APOBEC3A: variants seen among roughly 807,000 people sequenced by gnomAD.
The protein encoded by APOBEC3A is apolipoprotein B mRNA editing enzyme catalytic subunit 3A.
A neutral mutation model predicts 23.0 loss-of-function variants in APOBEC3A; 13 were observed. The observed-to-expected ratio is 0.57, with a 90% CI of 0.37 to 0.90. APOBEC3A has a LOEUF of 0.90. Ranked by LOEUF, APOBEC3A falls within the 40% of genes least tolerant of loss-of-function variation. The pLI, the probability that APOBEC3A is intolerant of heterozygous loss-of-function variation, is 0.01. For synonymous variants in APOBEC3A, 74 were observed against 101.3 expected (o/e 0.73, Z 1.62); for missense variants, 179 against 264.9 (o/e 0.68, Z 2.25).
At position 38,962,194 on chromosome 22, in the gene APOBEC3A, G is replaced by A; in HGVS notation, c.566G>A (p.Arg189Lys). Residue 189 changes from arginine (R) to lysine (K), a missense_variant, in exon 4 of 5, where the codon AGG becomes AAG. Around this residue, in one of 5 missense-constraint regions of APOBEC3A, gnomAD observed 37 missense variants for 43.1 expected, o/e 0.86. Transcript: ENST00000249116. ...LDEHSQALSG[R>K]LRAILQNQGN The stretch of plus-strand genomic sequence containing the variant: ...GAGCACAGCCAAGCCCTGAGTGGGA[G>A]GCTGCGGGCCATTCTCCAGGTGAGG... The A allele has an allele frequency of 6.2e-7, 1 of 1,613,590 alleles. No individual in the cohort carries two copies. Among genetic ancestry groups the A allele is most frequent in the Non-Finnish European group, 8.5e-7 (1 of 1,179,988 alleles).
At position 38,961,579 on chromosome 22, in the gene APOBEC3A, C is replaced by T. The variant is rs762851600; in HGVS notation, c.367C>T (p.Arg123Cys). ...TCAGGAGAACACACACGTGAGACTG[C>T]GTATCTTCGCTGCCCGCATCTATGA... ...FLQENTHVRL[R>C]IFAARIYDYD... The change falls in exon 3 of 5, where the codon CGT becomes TGT. Residue 123 changes from arginine to cysteine, a missense_variant. Around this residue, in one of 5 missense-constraint regions of APOBEC3A, gnomAD observed 37 missense variants for 47.8 expected, o/e 0.77. Transcript: ENST00000249116. 4.6e-6 allele frequency: 7 copies of T among 1,533,024 alleles called. 1 individual carries two copies. Among genetic ancestry groups the T allele is most frequent in the South Asian group, 4.5e-5 (4 of 88,130 alleles). 95.0% of individuals were successfully genotyped at this position (1,533,024 alleles called of 1,614,324 possible). A position where few individuals can be genotyped will look rare whatever the true frequency, so the allele number is the denominator to read the frequency against.
rs193155851 is a variant in APOBEC3A, at chr22:38,959,647, G to C, written c.135G>C (p.Ser45=). The C allele has an allele frequency of 7.4e-6, 12 of 1,613,936 alleles. No individual in the cohort carries two copies. The highest frequency in any genetic ancestry group is 5.0e-5 in the Admixed American group (3 of 60,004). Residue 45 remains serine (S), a synonymous_variant, in exon 2 of 5, where the codon TCG becomes TCC. Coordinates refer to ENST00000249116, the MANE Select transcript of APOBEC3A (RefSeq NM_145699.4). ...TGGAGCGCCTGGACAATGGCACCTCGGTCAAGATGGACCAGCACAGGGGCT... is the reference window on the plus strand; with the variant it reads ...TGGAGCGCCTGGACAATGGCACCTCCGTCAAGATGGACCAGCACAGGGGCT... ...YEVERLDNGT[S]VKMDQHRGFL...
Position 38,962,225 on chromosome 22 carries a change from C to T in APOBEC3A, c.585+12C>T, listed in dbSNP as rs532168927. The T allele has an allele frequency of 6.1e-5, 98 of 1,613,634 alleles. No homozygotes were observed. The East Asian group carries it at 1.9e-3, about 32-fold the overall frequency. ...GGGCCATTCTCCAGGTGAGGGCTTC[C>T]TCCCTCTGCCCGGTGCCCCATCGGC... On this transcript the variant is annotated intron_variant, in intron 4 of 4. Transcript: ENST00000249116.
intron 2 of APOBEC3A, among the ~76,000 whole-genome samples, chr22:38,961,177 T>C (rs1343158805): frequency 3.4e-5 from 5 of 147,562 alleles, no homozygotes; most frequent in African/African-American, 1.3e-4. Context: ...TCTGTTTGTA[T>C]TTAAATGGGC....
At position 38,962,675 on chromosome 22, in the gene APOBEC3A, G is replaced by GTCAAT; in HGVS notation, c.*167_*168insCAATT. On this transcript the variant is annotated 3_prime_UTR_variant, in exon 5 of 5. Transcript: ENST00000249116. ...TCAAGTAGATTTTTAAAAAATCAGA[G>GTCAAT]TGGGCCGGGCGCGGTGGCTCACGCC... The GTCAAT allele has an allele frequency of 6.6e-7, 1 of 1,505,082 alleles. No homozygotes were observed. 93.2% of individuals were successfully genotyped at this position (1,505,082 alleles called of 1,614,324 possible).
intron 2 of APOBEC3A, among the ~76,000 whole-genome samples, chr22:38,960,437 T>C (rs1351650474): frequency 6.6e-6 from 1 of 152,180 alleles, no homozygotes; most frequent in Non-Finnish European, 1.5e-5. Context: ...ACAAACCATG[T>C]CATCCACTCC....
At chr22:38,962,361 A>G in intron 4 of APOBEC3A, 134 bp from the exon 5 acceptor site, 1 of 1,548,826 alleles carries the variant, frequency 6.5e-7, no homozygotes, top group Non-Finnish European at 8.7e-7. Context: ...TTTCCTTCTC[A>G]CAGCCTCCTT....
intron 1 of APOBEC3A, among the ~76,000 whole-genome samples, chr22:38,958,566 C>CTTTCTTCT (rs1555891129): frequency 0.02 from 2,818 of 141,320 alleles, 108 homozygotes; most frequent in African/African-American, 0.068. Flanking sequence ...TCCTCTCTTT[C>CTTTCTTCT]TTCTTTCCTT....
At position 38,962,727 on chromosome 22, in the gene APOBEC3A, G is replaced by T; in HGVS notation, c.*218G>T. ...GTAATCCCAGCACTTTGGAGGCCAA[G>T]GCGGGTGGATCACGAGGTCAGGAGA... On this transcript the variant is annotated 3_prime_UTR_variant, in exon 5 of 5. Transcript: ENST00000249116. 1.6e-6 allele frequency: 2 copies of T among 1,213,866 alleles called. No individual in the cohort carries two copies. Among genetic ancestry groups the T allele is most frequent in the Non-Finnish European group, 2.2e-6 (2 of 893,804 alleles). The allele number at this position is 1,213,866 out of a possible 1,614,324, so 75.2% of individuals were successfully genotyped here.
rs1255041974 is a variant in APOBEC3A, at chr22:38,962,698, G to A, written c.*189G>A. The A allele has an allele frequency of 2.0e-5, 28 of 1,411,442 alleles. 2 individuals carry two copies. Among genetic ancestry groups the A allele is most frequent in the South Asian group, 1.7e-4 (12 of 70,310 alleles). The allele number at this position is 1,411,442 out of a possible 1,614,324, so 87.4% of individuals were successfully genotyped here. ...GAGTGGGCCGGGCGCGGTGGCTCAC[G>A]CCTGTAATCCCAGCACTTTGGAGGC... On this transcript the variant is annotated 3_prime_UTR_variant, in exon 5 of 5. Transcript: ENST00000249116.
At chr22:38,960,502 C>T (rs867612823) in intron 2 of APOBEC3A, among the ~76,000 whole-genome samples, 19 of 152,232 alleles carry the variant, frequency 1.2e-4, no homozygotes, top group Non-Finnish European at 2.4e-4. Context: ...ATCACAATCA[C>T]AGTCCTTGCT....
chr22:38,958,449 C>T (rs1309336096), intron 1 of APOBEC3A, among the ~76,000 whole-genome samples: 1 of 147,480 alleles, frequency 6.8e-6, no homozygotes, highest in Non-Finnish European at 1.5e-5. Context: ...ATTTCCCTTT[C>T]TCTCTTCCTC....
chr22:38,959,446 G>A, intron 1 of APOBEC3A, 96 bp from the exon 2 acceptor site: 2 of 1,432,932 alleles, frequency 1.4e-6, no homozygotes, highest in Non-Finnish European at 9.6e-7. Context: ...GGGGAAGGAG[G>A]GTGGGGTGCA....
Position 38,962,119 on chromosome 22 carries a change from C to G in APOBEC3A, c.491C>G (p.Thr164Ser), listed in dbSNP as rs1451839576. The change falls in exon 4 of 5, where the codon ACC becomes AGC. Residue 164 changes from threonine (T) to serine (S), a missense_variant. Thr to Ser is a moderately conservative substitution (Grantham distance 58, BLOSUM62 1). This residue lies in a region of APOBEC3A where 37 missense variants were observed against 43.1 expected (regional missense o/e 0.86). Coordinates refer to ENST00000249116, the MANE Select transcript of APOBEC3A (RefSeq NM_145699.4). ...TCAGAATTTAAGCACTGCTGGGACACCTTTGTGGACCACCAGGGATGTCCC... is the reference window on the plus strand; with the variant it reads ...TCAGAATTTAAGCACTGCTGGGACAGCTTTGTGGACCACCAGGGATGTCCC... Reference protein sequence around the residue: ...TYDEFKHCWDTFVDHQGCPFQ... With the variant: ...TYDEFKHCWDSFVDHQGCPFQ... 1.4e-5 allele frequency: 22 copies of G among 1,612,180 alleles called. No individual in the cohort carries two copies. Among genetic ancestry groups the G allele is most frequent in the African/African-American group, 4.0e-5 (3 of 74,712 alleles).
At chr22:38,957,969 T>C (rs1424075438) in intron 1 of APOBEC3A, among the ~76,000 whole-genome samples, 2 of 152,158 alleles carry the variant, frequency 1.3e-5, no homozygotes. Context: ...TCCCAATAGA[T>C]AATGGTGCTG....
rs1184383699 is a variant in APOBEC3A, at chr22:38,959,969, A to G, written c.174+283A>G. On this transcript the variant is annotated intron_variant, in intron 2 of 4. Transcript: ENST00000249116. ...ACCAGGAACAATTCAGCAATGTGGGATCTGAGGACTCAGGGCCTACCTGAC... is the reference window on the plus strand; with the variant it reads ...ACCAGGAACAATTCAGCAATGTGGGGTCTGAGGACTCAGGGCCTACCTGAC... 2.6e-5 allele frequency among the ~76,000 whole-genome samples: 4 copies of G among 152,256 alleles called. No homozygotes were observed. The East Asian group carries it at 7.7e-4, about 29-fold the overall frequency.
In APOBEC3A at chr22:38,962,901, T is replaced by G. The variant is rs182350485; in HGVS notation, c.*392T>G. On this transcript the variant is annotated 3_prime_UTR_variant, in exon 5 of 5. Transcript: ENST00000249116. ...TGAACCCGGGAGGCAGAGCTTGCGG[T>G]GAGCCGAGATTGCGCTACTGCACTC... is the stretch of plus-strand genomic sequence containing the variant. 3.5e-3 allele frequency: 1,090 copies of G among 309,612 alleles called. 67 individuals are homozygous for G. The highest frequency in any genetic ancestry group is 0.022 in the African/African-American group (1,000 of 45,804). The allele number at this position is 309,612 out of a possible 1,614,324, so 19.2% of individuals were successfully genotyped here.
In APOBEC3A at chr22:38,957,742, A is replaced by G. The variant is rs374350342; in HGVS notation, c.29+22A>G. The G allele has an allele frequency of 1.9e-5, 30 of 1,609,136 alleles. No individual in the cohort carries two copies. The African/African-American group carries it at 3.5e-4, about 19-fold the overall frequency. On this transcript the variant is annotated intron_variant, in intron 1 of 4. Transcript: ENST00000249116. ...CCAGGTATGGGAAGCCCCTCCGAGC[A>G]CCTCTGCGCCTCAGCCTCCTCTTTG...
At position 38,962,831 on chromosome 22, in the gene APOBEC3A, G is replaced by A. The variant is rs1267077522; in HGVS notation, c.*322G>A. ...AAATTAGCCAGGCGTGGTGGCGGGC[G>A]CCTGTAGTCCCAGCTACTCTGGAGG... On this transcript the variant is annotated 3_prime_UTR_variant, in exon 5 of 5. Coordinates refer to ENST00000249116, the MANE Select transcript of APOBEC3A (RefSeq NM_145699.4). 86 of 477,194 alleles carry A rather than the reference G, an allele frequency of 1.8e-4. 7 individuals carry two copies. The highest frequency in any genetic ancestry group is 2.5e-4 in the Non-Finnish European group (70 of 285,502). The allele number at this position is 477,194 out of a possible 1,614,324, so 29.6% of individuals were successfully genotyped here.
Sources: gnomAD v4.1 joint callset for allele counts (sites outside exome capture counted in the v4.1 genomes callset) on GRCh38, gnomAD v4.1.1 for gene constraint, gnomAD v4.1.1 regional missense constraint, MANE v1.5 for transcripts, NCBI Gene and HGNC (gene_info 2026-07-23, HGNC 2026-07-21) for gene names.